The following SULF2 variants were observed in gnomAD, a reference collection of about 807,000 sequenced individuals.
SULF2 encodes the protein sulfatase 2.
In SULF2, 52 loss-of-function variants were observed where a neutral mutation model predicts 107.7. The observed-to-expected ratio is 0.48, with a 90% confidence interval of 0.39 to 0.61. The LOEUF is 0.61. Ranked by LOEUF, SULF2 falls within the 20% of genes least tolerant of loss-of-function variation. The pLI is 0.00. For missense variants in SULF2, 993 were observed against 1,177.3 expected, an observed-to-expected ratio of 0.84 and a Z score of 2.29; for synonymous variants, 460 against 464.3, an observed-to-expected ratio of 0.99 and a Z score of 0.12.
At chr20:47,673,159 C>A (rs1474824775) in intron 10 of SULF2, among the ~76,000 whole-genome samples, 1 of 152,200 alleles carries the variant, frequency 6.6e-6, no homozygotes, top group Non-Finnish European at 1.5e-5. Flanking sequence ...GATTCTGCAA[C>A]CACCTGTAAA....
chr20:47,749,893 G>A (rs372552749), intron 2 of SULF2, among the ~76,000 whole-genome samples: 5 of 152,156 alleles, frequency 3.3e-5, no homozygotes, highest in Admixed American at 2.0e-4. Flanking sequence ...TCTCTTCAAC[G>A]TCTGACTGAT....
intron 2 of SULF2, among the ~76,000 whole-genome samples, chr20:47,753,098 CAAAAAAAA>C (rs10578438): frequency 2.8e-4 from 25 of 90,686 alleles, no homozygotes; most frequent in African/African-American, 1.1e-3. Flanking sequence ...GAGACTCTCT[CAAAAAAAA>C]AAAAAAAAAA....
chr20:47,749,009 GTTT>G (rs201472545), intron 2 of SULF2, among the ~76,000 whole-genome samples: 5 of 146,258 alleles, frequency 3.4e-5, no homozygotes, highest in African/African-American at 1.2e-4. Context: ...TTCTGAAGTG[GTTT>G]TTTTTTTTTT....
At chr20:47,684,608 T>G (rs2087937781) in intron 5 of SULF2, 27 bp from the exon 6 acceptor site, 6 of 1,608,154 alleles carry the variant, frequency 3.7e-6, no homozygotes, top group Admixed American at 1.7e-5. Flanking sequence ...TACACATCGG[T>G]CAAACCCAGG....
At chr20:47,745,449 ATATATATACACAT>A (rs2090011517) in intron 2 of SULF2, among the ~76,000 whole-genome samples, 1 of 9,400 alleles carries the variant, frequency 1.1e-4, no homozygotes, top group Non-Finnish European at 1.7e-4. Context: ...ATATATATAT[ATATATATACACAT>A]ACACACACAC....
chr20:47,758,867 C>T (rs1427206519), intron 1 of SULF2, among the ~76,000 whole-genome samples: 2 of 152,146 alleles, frequency 1.3e-5, no homozygotes, highest in Non-Finnish European at 2.9e-5. Flanking sequence ...GTCTGTTTGT[C>T]CTTGCCCTTC....
At chr20:47,760,324 G>A (rs923602837) in intron 1 of SULF2, among the ~76,000 whole-genome samples, 2 of 152,290 alleles carry the variant, frequency 1.3e-5, no homozygotes, top group South Asian at 4.1e-4. Context: ...GGGAGGTGGT[G>A]GGAAGTCCGT....
chr20:47,702,562 C>A lies in SULF2; in HGVS notation c.524G>T (p.Cys175Phe). Residue 175 changes from cysteine (C) to phenylalanine (F), a missense_variant, in exon 4 of 21, where the codon TGT (cysteine) becomes TTT (phenylalanine). Around this residue, in one of 3 missense-constraint regions of SULF2, gnomAD observed 388 missense variants for 449.2 expected, o/e 0.86. Coordinates refer to ENST00000688720, the MANE Select transcript of SULF2 (RefSeq NM_001387048.1). ...GTGCTTCTCTTTCACCCCGTTCCGA[C>A]ACAGCGTGTAGTTATAAAAGCGGGA... ...KNSRFYNYTLCRNGVKEKHGS... is the reference protein window; with the variant it reads ...KNSRFYNYTLFRNGVKEKHGS... 6.2e-7 allele frequency: 1 copy of A among 1,613,264 alleles called. No homozygotes were observed. The highest frequency in any genetic ancestry group is 8.5e-7 in the Non-Finnish European group (1 of 1,180,014).
intron 20 of SULF2, 83 bp from the exon 21 acceptor site, chr20:47,658,475 A>G (rs1166407401): frequency 7.0e-7 from 1 of 1,429,090 alleles, no homozygotes; most frequent in Non-Finnish European, 9.9e-7. Flanking sequence ...TAGCTGAGGA[A>G]GCTTTGCTTC....
chr20:47,714,272 A>G (rs548827067), intron 3 of SULF2, among the ~76,000 whole-genome samples: 96 of 152,324 alleles, frequency 6.3e-4, no homozygotes, highest in African/African-American at 2.2e-3. Context: ...CTGCATACTT[A>G]GTAATTTCCT....
In SULF2 at chr20:47,753,690, C is replaced by T. The variant is rs535860612; in HGVS notation, c.175+3499G>A. 2.0e-5 allele frequency among the ~76,000 whole-genome samples: 3 copies of T among 152,340 alleles called. No individual in the cohort carries two copies. The East Asian group carries it at 5.8e-4, about 29-fold the overall frequency. ...TTAAAGAAATTCTCAAGTCATAGAT[C>T]AGAACTGGGATGCTGCAAAAATTCT... On this transcript the variant is annotated intron_variant, in intron 2 of 20. Coordinates refer to ENST00000688720, the MANE Select transcript of SULF2 (RefSeq NM_001387048.1).
At chr20:47,695,979 T>C (rs2088363301) in intron 4 of SULF2, among the ~76,000 whole-genome samples, 1 of 152,198 alleles carries the variant, frequency 6.6e-6, no homozygotes, top group Admixed American at 6.5e-5. Context: ...TGCTCTTCTT[T>C]TGATTGTTTC....
chr20:47,755,405 T>G (rs543144449), intron 2 of SULF2, among the ~76,000 whole-genome samples: 1 of 152,322 alleles, frequency 6.6e-6, no homozygotes, highest in East Asian at 1.9e-4. Context: ...AGATGCAAAA[T>G]TCAGTCAGAT....
At chr20:47,720,135 A>G (rs1483010862) in intron 3 of SULF2, among the ~76,000 whole-genome samples, 3 of 151,714 alleles carry the variant, frequency 2.0e-5, no homozygotes, top group Admixed American at 6.6e-5. Flanking sequence ...TGTATTTTTT[A>G]TTAGAGACGG....
chr20:47,686,784 G>C (rs755619367), intron 5 of SULF2, among the ~76,000 whole-genome samples: 16 of 152,164 alleles, frequency 1.1e-4, no homozygotes, highest in Middle Eastern at 3.2e-3. Context: ...TGTCTCCAAG[G>C]CTCCCCTGGA....
Position 47,754,011 on chromosome 20 carries a change from C to T in SULF2, c.175+3178G>A, listed in dbSNP as rs541459395. On this transcript the variant is annotated intron_variant, in intron 2 of 20. Transcript: ENST00000688720. ...ATGTAATGATAATTTAGGCCACTTA[C>T]GAACTAGTATGGCCCTGGAAGCAGT... Among the ~76,000 whole-genome samples, 7 of 152,326 alleles carry T rather than the reference C, an allele frequency of 4.6e-5. No individual in the cohort carries two copies. In the South Asian group the frequency reaches 1.0e-3, roughly 23 times the overall value.
At chr20:47,665,766 G>A in intron 13 of SULF2, 91 bp downstream of exon 13, 1 of 1,061,130 alleles carries the variant, frequency 9.4e-7, no homozygotes, top group Non-Finnish European at 1.4e-6. Flanking sequence ...CTCTTCCCTG[G>A]GTCTGGCCTC....
At chr20:47,659,664 C>A (rs540232502) in intron 19 of SULF2, 33 bp downstream of exon 19, 1 of 1,594,588 alleles carries the variant, frequency 6.3e-7, no homozygotes, top group South Asian at 1.1e-5. Flanking sequence ...GATAGGAGAA[C>A]TTTGTTTAGG....
At chr20:47,707,966 T>C (rs2088804067) in intron 3 of SULF2, among the ~76,000 whole-genome samples, 2 of 152,162 alleles carry the variant, frequency 1.3e-5, no homozygotes, top group African/African-American at 4.8e-5. Context: ...CTGGGCATGG[T>C]ACACCTCATG....
Sources: allele counts gnomAD v4.1 joint callset (sites outside exome capture counted in the v4.1 genomes callset), GRCh38; gene constraint gnomAD v4.1.1; regional missense constraint gnomAD v4.1.1; transcripts MANE v1.5; gene names NCBI Gene and HGNC (gene_info 2026-07-23, HGNC 2026-07-21).